Variants in LDB3 observed in about 807,000 individuals in gnomAD.
LDB3 encodes the protein LIM domain binding 3.
In LDB3, 49 loss-of-function variants were observed where a neutral mutation model predicts 69.0. That is an observed-to-expected ratio of 0.71 (90% CI 0.56 to 0.90). The LOEUF (loss-of-function observed/expected upper bound fraction) is 0.90, where lower values mean the gene tolerates loss of function less well. Ranked by LOEUF, LDB3 falls within the 40% of genes least tolerant of loss-of-function variation. The pLI, the probability that LDB3 is intolerant of heterozygous loss-of-function variation, is 0.00. For missense variants in LDB3, 928 were observed against 974.1 expected, an observed-to-expected ratio of 0.95 and a Z score of 0.63; for synonymous variants, 387 against 396.2, an observed-to-expected ratio of 0.98 and a Z score of 0.28.
chr10:86,715,066 C>T (rs577023649), intron 9 of LDB3, among the ~76,000 whole-genome samples: 4 of 152,178 alleles, frequency 2.6e-5, no homozygotes, highest in Admixed American at 1.3e-4. Context: ...CTGCCCCAGG[C>T]GGTCCAGGGG....
rs372484717 is a variant in LDB3 at position 86,719,168 on chromosome 10, C to T, written c.1978+321C>T. Among the ~76,000 whole-genome samples, 8 of 152,164 alleles carry T rather than the reference C, an allele frequency of 5.3e-5. No individual in the cohort carries two copies. In the East Asian group the frequency reaches 7.8e-4, roughly 15 times the overall value. ...ATCCCAGCACTTTGGGAGGCCGAGA[C>T]AGAAGAATTGCTTGAGCCCAGGAGT... On this transcript the variant is annotated intron_variant, in intron 12 of 13. Coordinates refer to ENST00000361373, the MANE Select transcript of LDB3 (RefSeq NM_007078.3).
At chr10:86,688,297 G>C (rs1845601564) in intron 5 of LDB3, among the ~76,000 whole-genome samples, 1 of 152,150 alleles carries the variant, frequency 6.6e-6, no homozygotes, top group Non-Finnish European at 1.5e-5. Context: ...AAGAGGGATG[G>C]AGGGATTAAA....
intron 12 of LDB3, among the ~76,000 whole-genome samples, chr10:86,720,279 T>C (rs1309805120): frequency 6.6e-6 from 1 of 152,052 alleles, no homozygotes; most frequent in Admixed American, 6.5e-5. Flanking sequence ...ACCCCATCTC[T>C]ACAAAAATAC....
intron 7 of LDB3, among the ~76,000 whole-genome samples, chr10:86,695,637 T>TC (rs1046216672): frequency 6.6e-6 from 1 of 152,182 alleles, no homozygotes; most frequent in African/African-American, 2.4e-5. Flanking sequence ...ACGCTGTGGC[T>TC]CCCCAGTTTC....
chr10:86,695,489 G>A (rs1470942007), intron 7 of LDB3, among the ~76,000 whole-genome samples: 2 of 152,176 alleles, frequency 1.3e-5, no homozygotes, highest in Non-Finnish European at 2.9e-5. Flanking sequence ...TGAGGTGGGG[G>A]AGGCCTGAAC....
At chr10:86,696,834 G>A (rs200697241) in intron 7 of LDB3, among the ~76,000 whole-genome samples, 1 of 152,192 alleles carries the variant, frequency 6.6e-6, no homozygotes. Context: ...GGAAGAAGAC[G>A]CTGGCACTTA....
intron 13 of LDB3, among the ~76,000 whole-genome samples, chr10:86,728,726 C>T (rs776817190): frequency 4.0e-5 from 6 of 151,740 alleles, no homozygotes; most frequent in South Asian, 2.1e-4. Context: ...GGATTATAGG[C>T]GCCTGCCACC....
At chr10:86,674,799 G>A (rs1225250008) in intron 2 of LDB3, among the ~76,000 whole-genome samples, 1 of 152,180 alleles carries the variant, frequency 6.6e-6, no homozygotes, top group Non-Finnish European at 1.5e-5. Flanking sequence ...GACAGACGTG[G>A]AAGCATCGTG....
chr10:86,694,129 T>C (rs1301884309), intron 7 of LDB3, among the ~76,000 whole-genome samples: 1 of 152,210 alleles, frequency 6.6e-6, no homozygotes, highest in Non-Finnish European at 1.5e-5. Flanking sequence ...TGGAAGTGCA[T>C]TGCAGCAAAC....
Position 86,681,626 on chromosome 10 carries a change from A to G in LDB3, c.512A>G (p.Lys171Arg). Residue 171 changes from lysine (K) to arginine (R), a missense_variant, in exon 5 of 14, where the codon AAG (lysine) becomes AGG (arginine). Lys to Arg is a conservative substitution (Grantham distance 26, BLOSUM62 2). Transcript: ENST00000361373. ...PGPPRASLRA[K>R]TSPEGARDLL... ...CCTCCGCGGGCCAGCCTGAGGGCCAAGACCAGCCCAGAGGGGGCCCGGGAC... is the reference window on the plus strand; with the variant it reads ...CCTCCGCGGGCCAGCCTGAGGGCCAGGACCAGCCCAGAGGGGGCCCGGGAC... The G allele has an allele frequency of 6.2e-7, 1 of 1,613,142 alleles. No homozygotes were observed. The highest frequency in any genetic ancestry group is 8.5e-7 in the Non-Finnish European group (1 of 1,179,790).
chr10:86,699,337 A>G lies in LDB3; in HGVS notation c.896+6766A>G, dbSNP rs1203641812. Reference sequence around the variant, plus strand: ...TTTGCCAAATTGCGCAACTGGCACCATGGCCTTTCAGCCCAAATCCTTAAT... The same window carrying G: ...TTTGCCAAATTGCGCAACTGGCACCGTGGCCTTTCAGCCCAAATCCTTAAT... On this transcript the variant is annotated intron_variant, in intron 7 of 13. Transcript: ENST00000361373. The surrounding 1 kb of genome is among the most constrained non-coding windows in gnomAD (Gnocchi z 4.9). The G allele has an allele frequency of 6.2e-7, 1 of 1,613,762 alleles. No individual in the cohort carries two copies.
At chr10:86,731,662 C>T (rs900087927) in intron 13 of LDB3, among the ~76,000 whole-genome samples, 7 of 152,156 alleles carry the variant, frequency 4.6e-5, no homozygotes, top group Admixed American at 4.6e-4. Context: ...TGCAGAGTTG[C>T]TTCTGCAGGA....
intron 7 of LDB3, among the ~76,000 whole-genome samples, chr10:86,704,053 G>A (rs888665629): frequency 2.6e-5 from 4 of 152,002 alleles, no homozygotes; most frequent in African/African-American, 9.7e-5. Context: ...GGCAGAGGTT[G>A]CAGTGAGCCG....
chr10:86,700,368 C>A (rs916190310), intron 7 of LDB3, among the ~76,000 whole-genome samples: 2 of 152,182 alleles, frequency 1.3e-5, no homozygotes, highest in Admixed American at 6.5e-5. Context: ...CTGCAACCAG[C>A]AGACTGAGCC....
At chr10:86,686,892 C>G (rs1436027462) in intron 5 of LDB3, among the ~76,000 whole-genome samples, 1 of 152,092 alleles carries the variant, frequency 6.6e-6, no homozygotes, top group African/African-American at 2.4e-5. Flanking sequence ...TTGAATACAC[C>G]CAGACCACCC....
chr10:86,681,906 A>G, intron 5 of LDB3, 103 bp downstream of exon 5: 1 of 1,214,362 alleles, frequency 8.2e-7, no homozygotes, highest in Admixed American at 2.3e-5. Flanking sequence ...CACTGGCCCC[A>G]ATCCAGCCAG....
In LDB3 at chr10:86,679,428, T is replaced by C. The variant is rs1449865053; in HGVS notation, c.155T>C (p.Ile52Thr). Residue 52 changes from isoleucine to threonine, a missense_variant, in exon 3 of 14, where the codon ATT (isoleucine) becomes ACT (threonine). Physicochemically the swap from Ile to Thr is moderately conservative, Grantham distance 89 (BLOSUM62 -1). Transcript: ENST00000361373. ...QLSQGDLVVA[I>T]DGVNTDTMTH... The stretch of plus-strand genomic sequence containing the variant: ...AGCCAGGGTGACCTCGTGGTGGCCA[T>C]TGACGGCGTCAACACAGACACCATG... 4.3e-6 allele frequency: 7 copies of C among 1,614,030 alleles called. No homozygotes were observed. The African/African-American group carries it at 6.7e-5, about 15-fold the overall frequency.
upstream of LDB3, chr10:86,668,508 G>C: frequency 1.5e-6 from 1 of 683,134 alleles, no homozygotes; most frequent in Non-Finnish European, 2.7e-6. Context: ...TTCGCTCCCA[G>C]CTATTCTTAG....
intron 2 of LDB3, among the ~76,000 whole-genome samples, chr10:86,670,438 G>A (rs970001633): frequency 6.6e-6 from 1 of 152,134 alleles, no homozygotes; most frequent in Non-Finnish European, 1.5e-5. Flanking sequence ...TCCCCTGCCT[G>A]GGACTGAGCC....
Sources: gnomAD v4.1 joint callset for allele counts (sites outside exome capture counted in the v4.1 genomes callset) on GRCh38, gnomAD v4.1.1 for gene constraint, Gnocchi (gnomAD v3.1) non-coding constraint, MANE v1.5 for transcripts, NCBI Gene and HGNC (gene_info 2026-07-23, HGNC 2026-07-21) for gene names.